DCDC2C: variants seen among roughly 807,000 people sequenced by gnomAD.
DCDC2C encodes doublecortin domain containing 2C, also known as doublecortin domain-containing protein 2C.
Under a neutral mutation model 45.0 loss-of-function variants are expected in DCDC2C, and 44 were observed. That is an observed-to-expected ratio of 0.98 (90% confidence interval 0.77 to 1.26). The LOEUF is 1.26. DCDC2C is among the 50% of genes most tolerant of loss of function. The pLI, the probability that DCDC2C is intolerant of heterozygous loss-of-function variation, is 0.00. For missense variants in DCDC2C, 447 were observed against 468.9 expected, an observed-to-expected ratio of 0.95 and a Z score of 0.43; for synonymous variants, 187 against 178.8, an observed-to-expected ratio of 1.05 and a Z score of -0.37.
At chr2:3,735,399 A>T (rs1257998492) in intron 3 of DCDC2C, among the ~76,000 whole-genome samples, 19 of 152,076 alleles carry the variant, frequency 1.2e-4, no homozygotes, top group Non-Finnish European at 2.4e-4. Flanking sequence ...TATCTCCTAA[A>T]GCTATCCCTC....
In DCDC2C at chr2:3,703,801, C is replaced by T; in HGVS notation, c.50C>T (p.Thr17Ile). The T allele has an allele frequency of 8.0e-7, 1 of 1,250,872 alleles. No homozygotes were observed. Among genetic ancestry groups the T allele is most frequent in the Non-Finnish European group, 1.0e-6 (1 of 994,584 alleles). The allele number at this position is 1,250,872 out of a possible 1,614,324, so 77.5% of individuals were successfully genotyped here. A position where few individuals can be genotyped will look rare whatever the true frequency, so the allele number is the denominator to read the frequency against. ...CCGGTGGACACCACGCCCGCCAAGA[C>T]CATCGTGGTGTACCGCAACGGGGAC... The part of the protein sequence containing the change: ...SAPVDTTPAK[T>I]IVVYRNGDPF... Residue 17 changes from threonine to isoleucine, a missense_variant, in exon 1 of 11, where the codon ACC (threonine) becomes ATC (isoleucine). Transcript: ENST00000399143. This position sits in a 1 kb window ranked among gnomAD's most constrained non-coding sequence, Gnocchi z 4.4.
chr2:3,794,194 A>G (rs908236903), intron 10 of DCDC2C, among the ~76,000 whole-genome samples: 7 of 152,182 alleles, frequency 4.6e-5, no homozygotes, highest in African/African-American at 1.2e-4. Flanking sequence ...GAGTTATGCA[A>G]ATGTTCAATG....
intron 10 of DCDC2C, among the ~76,000 whole-genome samples, chr2:3,841,198 G>T (rs989820728): frequency 6.6e-6 from 1 of 152,134 alleles, no homozygotes; most frequent in African/African-American, 2.4e-5. Context: ...AGACACACAT[G>T]AGTATCCTTA....
intron 9 of DCDC2C, among the ~76,000 whole-genome samples, chr2:3,780,594 A>G (rs917584665): frequency 1.3e-5 from 2 of 152,218 alleles, no homozygotes; most frequent in African/African-American, 2.4e-5. Context: ...AGGGACAGCC[A>G]TACCTTGGTT....
chr2:3,769,208 C>G (rs1670094782), intron 7 of DCDC2C, 103 bp from the exon 8 acceptor site: 1 of 1,131,568 alleles, frequency 8.8e-7, no homozygotes. Flanking sequence ...GCCCGAAGCT[C>G]CAGGATGCCC....
At chr2:3,813,125 G>T (rs1416782974) in intron 10 of DCDC2C, among the ~76,000 whole-genome samples, 1 of 148,936 alleles carries the variant, frequency 6.7e-6, no homozygotes, top group South Asian at 2.1e-4. Flanking sequence ...AGGCTGGAGT[G>T]CAGTGGCATG....
intron 10 of DCDC2C, among the ~76,000 whole-genome samples, chr2:3,794,151 A>G (rs537482936): frequency 6.6e-6 from 1 of 152,344 alleles, no homozygotes; most frequent in Non-Finnish European, 1.5e-5. Context: ...TTACAACATG[A>G]TGCATTGGTC....
chr2:3,791,059 A>T (rs1347020149), intron 10 of DCDC2C, among the ~76,000 whole-genome samples: 2 of 152,154 alleles, frequency 1.3e-5, no homozygotes, highest in Non-Finnish European at 2.9e-5. Flanking sequence ...GCAGGAGCCG[A>T]GATCGCGCCA....
intron 10 of DCDC2C, among the ~76,000 whole-genome samples, chr2:3,793,516 C>T (rs1670878519): frequency 6.6e-6 from 1 of 152,170 alleles, no homozygotes; most frequent in South Asian, 2.1e-4. Context: ...TGGACTGAGT[C>T]TGTGGGATCT....
chr2:3,827,110 C>A (rs1205169299), intron 10 of DCDC2C, among the ~76,000 whole-genome samples: 1 of 152,162 alleles, frequency 6.6e-6, no homozygotes, highest in East Asian at 1.9e-4. Flanking sequence ...ACAAGCCACA[C>A]CCCAGCCCAT....
chr2:3,711,949 T>A (rs114794692), intron 2 of DCDC2C, among the ~76,000 whole-genome samples: 2,226 of 152,284 alleles, frequency 0.015, 51 homozygotes, highest in African/African-American at 0.052. Flanking sequence ...GGCCTGGAAG[T>A]GCCTGATGCT....
At chr2:3,780,960 G>A (rs1304060179) in intron 9 of DCDC2C, among the ~76,000 whole-genome samples, 1 of 152,142 alleles carries the variant, frequency 6.6e-6, no homozygotes, top group East Asian at 1.9e-4. Context: ...TGTGTCCCTC[G>A]TAGATACCGT....
intron 10 of DCDC2C, among the ~76,000 whole-genome samples, chr2:3,795,182 T>C (rs1395890331): frequency 3.3e-5 from 5 of 151,976 alleles, no homozygotes; most frequent in South Asian, 2.1e-4. Flanking sequence ...AGTGTCTGTT[T>C]ATGTCCTTCG....
intron 2 of DCDC2C, among the ~76,000 whole-genome samples, chr2:3,716,246 A>G (rs143742835): frequency 1.3e-5 from 2 of 152,264 alleles, no homozygotes; most frequent in Non-Finnish European, 2.9e-5. Context: ...AGGGTCCTGG[A>G]ATGCTTAGAG....
chr2:3,742,351 T>G (rs1669242792), intron 4 of DCDC2C, among the ~76,000 whole-genome samples: 1 of 152,220 alleles, frequency 6.6e-6, no homozygotes, highest in African/African-American at 2.4e-5. Flanking sequence ...CCGTTCAAGT[T>G]GCTAGAATGC....
In DCDC2C at chr2:3,790,363, C is replaced by T. The variant is rs114833265; in HGVS notation, c.1065+5263C>T. 7.8e-3 allele frequency among the ~76,000 whole-genome samples: 1,182 copies of T among 152,290 alleles called. 14 individuals carry two copies. Among genetic ancestry groups the T allele is most frequent in the African/African-American group, 0.027 (1,132 of 41,554 alleles). ...TGCTTAAGACATGCTAAGCTCAGAA[C>T]GTCAGCCATTTTCCATCGCCTGCAG... is the stretch of plus-strand genomic sequence containing the variant. On this transcript the variant is annotated intron_variant, in intron 10 of 10. Coordinates refer to ENST00000399143, the MANE Select transcript of DCDC2C (RefSeq NM_001287444.2).
intron 1 of DCDC2C, among the ~76,000 whole-genome samples, chr2:3,707,362 T>G (rs1668091059): frequency 6.6e-6 from 1 of 152,182 alleles, no homozygotes. Context: ...CATAAACAAA[T>G]ATGGAATTTG....
At position 3,842,867 on chromosome 2, in the gene DCDC2C, C is replaced by T. The variant is rs191180729; in HGVS notation, c.1066-4287C>T. On this transcript the variant is annotated intron_variant, in intron 10 of 10. Transcript: ENST00000399143. ...CAGGAAGCCACATTAGATACCCAGC[C>T]ATCTCAGCCCAGAAGGGACACATCA... is the stretch of plus-strand genomic sequence containing the variant. Among the ~76,000 whole-genome samples, 221 of 152,198 alleles carry T rather than the reference C, an allele frequency of 1.5e-3. 2 individuals carry two copies. The highest frequency in any genetic ancestry group is 3.4e-3 in the Middle Eastern group (1 of 294).
intron 10 of DCDC2C, among the ~76,000 whole-genome samples, chr2:3,829,284 CTT>C (rs5828893): frequency 1.3e-3 from 166 of 129,522 alleles, no homozygotes; most frequent in Middle Eastern, 3.9e-3. Flanking sequence ...ATGTCTTTTT[CTT>C]TTTTTTTTTT....
Sources: allele counts gnomAD v4.1 joint callset (sites outside exome capture counted in the v4.1 genomes callset), GRCh38; gene constraint gnomAD v4.1.1; non-coding constraint Gnocchi (gnomAD v3.1); transcripts MANE v1.5; gene names NCBI Gene and HGNC (gene_info 2026-07-23, HGNC 2026-07-21).